The following UBE2G1 variants were observed in gnomAD, a reference collection of about 807,000 sequenced individuals.
The protein encoded by UBE2G1 is ubiquitin conjugating enzyme E2 G1.
A neutral mutation model predicts 22.7 loss-of-function variants in UBE2G1; 5 were observed. The observed-to-expected ratio is 0.22, with a 90% CI of 0.12 to 0.46. UBE2G1 has a LOEUF of 0.46. Among genes scored for constraint, UBE2G1 ranks in the 20% least tolerant of loss-of-function variants. The pLI, the probability that UBE2G1 is intolerant of heterozygous loss-of-function variation, is 0.99. For synonymous variants in UBE2G1, 74 were observed against 67.5 expected, an observed-to-expected ratio of 1.10 and a Z score of -0.47; for missense variants, 88 against 203.9, an observed-to-expected ratio of 0.43 and a Z score of 3.46.
intron 5 of UBE2G1, among the ~76,000 whole-genome samples, chr17:4,273,533 G>T (rs1166552119): frequency 6.6e-6 from 1 of 151,994 alleles, no homozygotes; most frequent in African/African-American, 2.4e-5. Flanking sequence ...TGTAGAAACA[G>T]GGTCCTCACC....
At chr17:4,280,699 G>A (rs1351725792) in intron 5 of UBE2G1, among the ~76,000 whole-genome samples, 1 of 151,284 alleles carries the variant, frequency 6.6e-6, no homozygotes, top group African/African-American at 2.4e-5. Flanking sequence ...GTGCAGTGGT[G>A]TGATCTCGGC....
At chr17:4,326,858 C>T (rs1419603192) in intron 1 of UBE2G1, among the ~76,000 whole-genome samples, 1 of 152,196 alleles carries the variant, frequency 6.6e-6, no homozygotes, top group African/African-American at 2.4e-5. Context: ...TTGTATGAGT[C>T]CACTTACATG....
chr17:4,305,927 T>C (rs562349916), intron 2 of UBE2G1, among the ~76,000 whole-genome samples: 22 of 152,360 alleles, frequency 1.4e-4, no homozygotes, highest in African/African-American at 5.0e-4. Context: ...ACTGTGGTCT[T>C]TGCATCTAGA....
chr17:4,344,439 C>G (rs149453962), intron 1 of UBE2G1, among the ~76,000 whole-genome samples: 5 of 151,904 alleles, frequency 3.3e-5, no homozygotes, highest in Admixed American at 2.6e-4. Flanking sequence ...ACTCGGGAGG[C>G]TGAGGCAGGA....
intron 1 of UBE2G1, among the ~76,000 whole-genome samples, chr17:4,315,170 G>A (rs1419012687): frequency 1.3e-5 from 2 of 152,124 alleles, no homozygotes; most frequent in South Asian, 2.1e-4. Flanking sequence ...TAGGTGAAAC[G>A]AGGCTGATCC....
chr17:4,294,431 A>G (rs1806893), intron 3 of UBE2G1, among the ~76,000 whole-genome samples: 10 of 26,022 alleles, frequency 3.8e-4, no homozygotes, highest in Admixed American at 7.0e-4. Flanking sequence ...AAAAAAAAAA[A>G]AAAAAAAAAG....
intron 1 of UBE2G1, among the ~76,000 whole-genome samples, chr17:4,319,589 G>A (rs1969414029): frequency 6.6e-6 from 1 of 152,112 alleles, no homozygotes; most frequent in African/African-American, 2.4e-5. Context: ...ACAAAAATTA[G>A]CTGGACATGG....
At position 4,324,377 on chromosome 17, in the gene UBE2G1, T is replaced by C. The variant is rs545194314; in HGVS notation, c.47-17254A>G. ...TGAAGACTTTGTGAGAAAAAAGTTA[T>C]GCTGATTCCATCTTGAAATTATATT... is the stretch of plus-strand genomic sequence containing the variant. On this transcript the variant is annotated intron_variant, in intron 1 of 5. Coordinates refer to ENST00000396981, the MANE Select transcript of UBE2G1 (RefSeq NM_003342.5). 4.6e-5 allele frequency among the ~76,000 whole-genome samples: 7 copies of C among 152,362 alleles called. No individual in the cohort carries two copies. The South Asian group carries it at 1.2e-3, about 27-fold the overall frequency.
chr17:4,324,073 G>A lies in UBE2G1; in HGVS notation c.47-16950C>T, dbSNP rs1035208219. The stretch of plus-strand genomic sequence containing the variant: ...AAAAGAGATAATGCATCTTCGCAAC[G>A]GAGAAATCTGGCAATCACCAAATAA... On this transcript the variant is annotated intron_variant, in intron 1 of 5. Coordinates refer to ENST00000396981, the MANE Select transcript of UBE2G1 (RefSeq NM_003342.5). Among the ~76,000 whole-genome samples, 14 of 152,134 alleles carry A rather than the reference G, an allele frequency of 9.2e-5. 1 individual carries two copies. The highest frequency in any genetic ancestry group is 7.2e-4 in the Admixed American group (11 of 15,270).
chr17:4,323,825 G>T (rs554910205), intron 1 of UBE2G1, among the ~76,000 whole-genome samples: 3 of 152,152 alleles, frequency 2.0e-5, no homozygotes, highest in Non-Finnish European at 4.4e-5. Context: ...TTACAGGTGT[G>T]AGCCACTGCA....
At chr17:4,291,916 T>C (rs577399354) in intron 3 of UBE2G1, among the ~76,000 whole-genome samples, 62 of 152,360 alleles carry the variant, frequency 4.1e-4, no homozygotes, top group African/African-American at 1.3e-3. Flanking sequence ...TAGCCAGTTA[T>C]GTACTTAATG....
At chr17:4,326,790 T>G (rs951190322) in intron 1 of UBE2G1, among the ~76,000 whole-genome samples, 1 of 152,208 alleles carries the variant, frequency 6.6e-6, no homozygotes, top group Non-Finnish European at 1.5e-5. Context: ...TTCTACAACA[T>G]GAATGAACTT....
chr17:4,352,259 T>G (rs1969853952), intron 1 of UBE2G1, among the ~76,000 whole-genome samples: 2 of 152,162 alleles, frequency 1.3e-5, no homozygotes, highest in South Asian at 4.1e-4. Flanking sequence ...AGAGGGGGTC[T>G]TGCTGTGTCA....
At chr17:4,326,090 T>C (rs561619573) in intron 1 of UBE2G1, among the ~76,000 whole-genome samples, 15 of 151,712 alleles carry the variant, frequency 9.9e-5, no homozygotes, top group African/African-American at 2.4e-4. Flanking sequence ...CCAAGAGCAA[T>C]AGAGACAAAA....
intron 1 of UBE2G1, among the ~76,000 whole-genome samples, chr17:4,336,570 G>A (rs1382349583): frequency 6.6e-6 from 1 of 151,438 alleles, no homozygotes; most frequent in Non-Finnish European, 1.5e-5. Flanking sequence ...TTGCTCTGTT[G>A]CCCAGGCTCA....
At chr17:4,308,811 G>A (rs1242082882) in intron 1 of UBE2G1, among the ~76,000 whole-genome samples, 2 of 152,170 alleles carry the variant, frequency 1.3e-5, no homozygotes, top group African/African-American at 4.8e-5. Context: ...AATGATGAAA[G>A]GCAGTATAAT....
At chr17:4,301,640 C>A in intron 2 of UBE2G1, 2 of 878,746 alleles carry the variant, frequency 2.3e-6, no homozygotes, top group African/African-American at 1.7e-5. Context: ...TTACTTTTAG[C>A]TGTTTTATTT....
At chr17:4,328,504 T>C (rs1015141000) in intron 1 of UBE2G1, among the ~76,000 whole-genome samples, 3 of 152,162 alleles carry the variant, frequency 2.0e-5, no homozygotes, top group Non-Finnish European at 4.4e-5. Flanking sequence ...CTGAATTCAG[T>C]GCCCTGTACC....
At chr17:4,278,758 G>T (rs1567513439) in intron 5 of UBE2G1, among the ~76,000 whole-genome samples, 1 of 152,144 alleles carries the variant, frequency 6.6e-6, no homozygotes, top group South Asian at 2.1e-4. Context: ...ATAATTTTTA[G>T]ACTGCATGGT....
Sources: allele counts gnomAD v4.1 joint callset (sites outside exome capture counted in the v4.1 genomes callset), GRCh38; gene constraint gnomAD v4.1.1; transcripts MANE v1.5; gene names NCBI Gene and HGNC (gene_info 2026-07-23, HGNC 2026-07-21).